Variants in RGS22 observed in about 807,000 individuals in gnomAD.
The protein encoded by RGS22 is regulator of G protein signaling 22.
RGS22 carries 148 observed loss-of-function variants against 172.9 expected under a neutral mutation model. The observed-to-expected ratio is 0.86, with a 90% CI of 0.75 to 0.98. The LOEUF is 0.98. RGS22 is among the 50% of genes least tolerant of loss of function. The probability of loss-of-function intolerance (pLI) is 0.00; values close to 1 mark genes in which losing one functional copy is unlikely to be tolerated. For missense variants in RGS22, 1,347 were observed against 1,440.8 expected (o/e 0.93, Z 1.05); for synonymous variants, 458 against 480.2 (o/e 0.95, Z 0.60).
chr8:100,104,237 A>G (rs1294946538), intron 2 of RGS22, among the ~76,000 whole-genome samples: 1 of 152,146 alleles, frequency 6.6e-6, no homozygotes, highest in Non-Finnish European at 1.5e-5. Flanking sequence ...AAGATCACCT[A>G]AGCCCAGGGA....
chr8:100,060,024 C>A (rs369028088), intron 9 of RGS22, among the ~76,000 whole-genome samples: 4 of 152,110 alleles, frequency 2.6e-5, no homozygotes, highest in African/African-American at 9.7e-5. Context: ...TCATGCTTAG[C>A]CTTCTTTGAC....
At chr8:100,002,509 T>C (rs910892141) in intron 17 of RGS22, 145 bp from the exon 18 acceptor site, 1 of 669,040 alleles carries the variant, frequency 1.5e-6, no homozygotes, top group Non-Finnish European at 2.4e-6. Context: ...AACCCAATAT[T>C]GTATCTCTGA....
At chr8:100,087,618 C>T (rs917273959) in intron 3 of RGS22, among the ~76,000 whole-genome samples, 20 of 152,264 alleles carry the variant, frequency 1.3e-4, no homozygotes, top group African/African-American at 4.1e-4. Context: ...AAATTAAAAA[C>T]TAATGACTAG....
At chr8:100,062,776 T>C in intron 8 of RGS22, 24 bp from the exon 9 acceptor site, 2 of 1,561,928 alleles carry the variant, frequency 1.3e-6, no homozygotes, top group Non-Finnish European at 1.8e-6. Flanking sequence ...CATTTCCATA[T>C]ATACACACAC....
chr8:99,972,829 C>T (rs182105055), intron 23 of RGS22, among the ~76,000 whole-genome samples: 11 of 151,902 alleles, frequency 7.2e-5, no homozygotes, highest in African/African-American at 1.7e-4. Flanking sequence ...GTCAGGAGAT[C>T]GAGACCGACC....
At chr8:100,002,459 T>C in intron 17 of RGS22, 95 bp from the exon 18 acceptor site, 1 of 1,213,096 alleles carries the variant, frequency 8.2e-7, no homozygotes, top group Non-Finnish European at 1.1e-6. Context: ...ACTTAGAAAG[T>C]GGCTATCTTG....
At chr8:99,999,838 G>A (rs991694830) in intron 18 of RGS22, among the ~76,000 whole-genome samples, 5 of 152,164 alleles carry the variant, frequency 3.3e-5, no homozygotes, top group African/African-American at 1.2e-4. Context: ...TTCTGTGGAT[G>A]AGGAAAATGT....
chr8:100,090,095 C>T (rs1010667481), intron 3 of RGS22, among the ~76,000 whole-genome samples: 5 of 152,096 alleles, frequency 3.3e-5, no homozygotes, highest in Non-Finnish European at 5.9e-5. Flanking sequence ...GAATGGAGGA[C>T]GAGATAGTCT....
In RGS22 at chr8:100,027,217, G is replaced by A. The variant is rs552141797; in HGVS notation, c.2166+11714C>T. 5.9e-5 allele frequency among the ~76,000 whole-genome samples: 9 copies of A among 152,160 alleles called. No individual in the cohort carries two copies. The South Asian group carries it at 1.5e-3, about 25-fold the overall frequency. ...CCACTGCTCTCCAGCTTGGGTGACA[G>A]AGCAAGATGACCTTGTCTCAAAAAA... On this transcript the variant is annotated intron_variant, in intron 14 of 27. Transcript: ENST00000360863.
chr8:100,002,414 A>C, intron 17 of RGS22, 50 bp from the exon 18 acceptor site: 1 of 1,529,410 alleles, frequency 6.5e-7, no homozygotes, highest in Non-Finnish European at 8.8e-7. Flanking sequence ...TCTTCCTCTA[A>C]ATTCTAGTAA....
At chr8:99,980,359 AT>A (rs144207035) in intron 22 of RGS22, among the ~76,000 whole-genome samples, 104 of 152,350 alleles carry the variant, frequency 6.8e-4, no homozygotes, top group African/African-American at 2.2e-3. Context: ...GTAATACATT[AT>A]GAGTCATGTT....
intron 2 of RGS22, among the ~76,000 whole-genome samples, chr8:100,095,908 AC>A (rs1196960219): frequency 6.6e-6 from 1 of 152,256 alleles, no homozygotes; most frequent in Non-Finnish European, 1.5e-5. Context: ...GGGTAGTTCC[AC>A]AATGGGAAAT....
chr8:99,967,773 G>T (rs759681471), intron 23 of RGS22, among the ~76,000 whole-genome samples: 8 of 152,180 alleles, frequency 5.3e-5, no homozygotes, highest in Non-Finnish European at 1.0e-4. Flanking sequence ...CTGGGACAGA[G>T]CACCTGGGGG....
intron 23 of RGS22, among the ~76,000 whole-genome samples, chr8:99,975,033 C>A (rs1477106154): frequency 1.3e-5 from 2 of 151,832 alleles, no homozygotes; most frequent in Non-Finnish European, 2.9e-5. Flanking sequence ...TTAATCCCAG[C>A]TACTCAGGAG....
chr8:99,991,227 C>A (rs754327620), intron 20 of RGS22, among the ~76,000 whole-genome samples: 1 of 152,186 alleles, frequency 6.6e-6, no homozygotes, highest in African/African-American at 2.4e-5. Flanking sequence ...GATCGCAGCT[C>A]CTCACCAGCA....
chr8:100,105,991 G>C lies in RGS22; in HGVS notation c.-70C>G. ...GCCCTAGCGCGCGGGTCCAGCGCGGGTCAGGGCCTGAGCGACGCGGCGACG... is the reference window on the plus strand; with the variant it reads ...GCCCTAGCGCGCGGGTCCAGCGCGGCTCAGGGCCTGAGCGACGCGGCGACG... On this transcript the variant is annotated 5_prime_UTR_variant, in exon 1 of 28. Coordinates refer to ENST00000360863, the MANE Select transcript of RGS22 (RefSeq NM_015668.5). 7.9e-7 allele frequency: 1 copy of C among 1,260,620 alleles called. No individual in the cohort carries two copies. The highest frequency in any genetic ancestry group is 9.9e-7 in the Non-Finnish European group (1 of 1,005,414). The allele number at this position is 1,260,620 out of a possible 1,614,324, so 78.1% of individuals were successfully genotyped here. A position where few individuals can be genotyped will look rare whatever the true frequency, so the allele number is the denominator to read the frequency against.
intron 14 of RGS22, among the ~76,000 whole-genome samples, chr8:100,026,325 G>A (rs1184999811): frequency 6.6e-6 from 1 of 152,178 alleles, no homozygotes; most frequent in Non-Finnish European, 1.5e-5. Context: ...AATAATTACT[G>A]AATAATTTAA....
Position 100,008,381 on chromosome 8 carries a change from A to G in RGS22, c.2355T>C (p.Tyr785=). The G allele has an allele frequency of 6.2e-7, 1 of 1,608,608 alleles. No homozygotes were observed. The highest frequency in any genetic ancestry group is 8.5e-7 in the Non-Finnish European group (1 of 1,178,816). The part of the protein sequence containing the change: ...TKMVKSDQIA[Y]KKVELVEETR... ...TTTATCGGTGGCACGGTACCTTTTT[A>G]TAAGCAATTTGGTCCGATTTTACCA... The change falls in exon 15 of 28, where the codon TAT becomes TAC. Residue 785 remains tyrosine (Y), a synonymous_variant. Transcript: ENST00000360863.
chr8:100,060,363 A>C (rs1468218957), intron 9 of RGS22, among the ~76,000 whole-genome samples: 2 of 140,032 alleles, frequency 1.4e-5, no homozygotes, highest in Admixed American at 7.9e-5. Flanking sequence ...TACTCAAAAA[A>C]AGTTTATTAA....
Sources: gnomAD v4.1 joint callset for allele counts (sites outside exome capture counted in the v4.1 genomes callset) on GRCh38, gnomAD v4.1.1 for gene constraint, MANE v1.5 for transcripts, NCBI Gene and HGNC (gene_info 2026-07-23, HGNC 2026-07-21) for gene names.